KALRN: variants seen among roughly 807,000 people sequenced by gnomAD.
The protein encoded by KALRN is kalirin.
KALRN carries 70 observed loss-of-function variants against 353.7 expected under a neutral mutation model. The observed-to-expected ratio is 0.20, with a 90% CI of 0.16 to 0.24. The LOEUF (loss-of-function observed/expected upper bound fraction) is 0.24, where lower values mean the gene tolerates loss of function less well. KALRN is among the 10% of genes least tolerant of loss of function. The probability of loss-of-function intolerance (pLI) is 1.00; values close to 1 mark genes in which losing one functional copy is unlikely to be tolerated. For synonymous variants in KALRN, 1,391 were observed against 1,434.8 expected, an observed-to-expected ratio of 0.97 and a Z score of 0.69; for missense variants, 2,791 against 3,756.7, an observed-to-expected ratio of 0.74 and a Z score of 6.72.
intron 38 of KALRN, among the ~76,000 whole-genome samples, chr3:124,652,873 A>C (rs1040532530): frequency 6.6e-6 from 1 of 152,148 alleles, no homozygotes; most frequent in Admixed American, 6.5e-5. Context: ...CACCGCACCC[A>C]GCCGCCAGTC....
intron 37 of KALRN, 51 bp downstream of exon 37, chr3:124,637,354 C>A: frequency 7.6e-7 from 1 of 1,312,204 alleles, no homozygotes; most frequent in Non-Finnish European, 1.1e-6. Context: ...CTTCACACTG[C>A]TCCAGGCTTG....
At chr3:124,629,813 T>C (rs1025470596) in intron 34 of KALRN, among the ~76,000 whole-genome samples, 2 of 72,760 alleles carry the variant, frequency 2.7e-5, no homozygotes, top group Non-Finnish European at 5.1e-5. Context: ...TCTCTCTCTC[T>C]GTCTCTCTCT....
intron 5 of KALRN, among the ~76,000 whole-genome samples, chr3:124,288,908 G>A (rs2076183619): frequency 6.6e-6 from 1 of 152,192 alleles, no homozygotes. Flanking sequence ...GATGCTTGTG[G>A]AACATTAAGA....
At chr3:124,672,189 A>G (rs2086554898) in intron 48 of KALRN, among the ~76,000 whole-genome samples, 1 of 152,154 alleles carries the variant, frequency 6.6e-6, no homozygotes, top group South Asian at 2.1e-4. Context: ...CTCAGGCGAT[A>G]TGGCCACTTC....
intron 25 of KALRN, among the ~76,000 whole-genome samples, chr3:124,472,094 A>G (rs374043926): frequency 6.9e-4 from 105 of 152,162 alleles, no homozygotes; most frequent in African/African-American, 2.3e-3. Context: ...GCATCTTCCC[A>G]TAGGTTTTTG....
At chr3:124,613,364 C>T (rs1011297527) in intron 34 of KALRN, among the ~76,000 whole-genome samples, 2 of 152,136 alleles carry the variant, frequency 1.3e-5, no homozygotes, top group Admixed American at 1.3e-4. Flanking sequence ...AATAAGTGCC[C>T]CTTTCTCTAG....
intron 17 of KALRN, among the ~76,000 whole-genome samples, chr3:124,437,562 C>G (rs189602359): frequency 6.6e-6 from 1 of 151,820 alleles, no homozygotes; most frequent in East Asian, 1.9e-4. Flanking sequence ...TGGTGGTGAG[C>G]GACTGTAATC....
rs41264663 is a variant in KALRN, at chr3:124,666,514, A to G, written c.6411A>G (p.Ala2137=). 44,404 of 1,613,954 alleles carry G rather than the reference A, an allele frequency of 0.028. 834 individuals carry two copies. Among genetic ancestry groups the G allele is most frequent in the East Asian group, 0.094 (4,210 of 44,882 alleles). The change falls in exon 46 of 60, where the codon GCA becomes GCG. Residue 2137 remains alanine, a synonymous_variant. Transcript: ENST00000682506. ...QDTFYVIELD[A]GMQSRTKERR... ...CATTCTATGTGATCGAGCTGGATGCAGGCATGCAGTCCCGGACCAAAGAGA... is the reference window on the plus strand; with the variant it reads ...CATTCTATGTGATCGAGCTGGATGCGGGCATGCAGTCCCGGACCAAAGAGA...
At chr3:124,081,192 G>A (rs979794152) in intron 1 of KALRN, among the ~76,000 whole-genome samples, 1 of 152,166 alleles carries the variant, frequency 6.6e-6, no homozygotes, top group Admixed American at 6.5e-5. Flanking sequence ...AAATGAGAAC[G>A]GCACACGTTG....
chr3:124,662,438 T>C (rs2085012715), intron 45 of KALRN, among the ~76,000 whole-genome samples: 1 of 151,946 alleles, frequency 6.6e-6, no homozygotes, highest in Non-Finnish European at 1.5e-5. Flanking sequence ...AGACCCAGAG[T>C]TCTTTATGAG....
chr3:124,302,664 C>T (rs1580715073), intron 6 of KALRN, among the ~76,000 whole-genome samples: 1 of 152,206 alleles, frequency 6.6e-6, no homozygotes, highest in Non-Finnish European at 1.5e-5. Context: ...GCTGCCATAA[C>T]AATGTCATGG....
intron 1 of KALRN, among the ~76,000 whole-genome samples, chr3:124,138,546 GAA>G (rs1367268372): frequency 6.6e-6 from 1 of 152,216 alleles, no homozygotes; most frequent in African/African-American, 2.4e-5. Flanking sequence ...GGTCAAAGAT[GAA>G]AAGAGTGACT....
intron 23 of KALRN, among the ~76,000 whole-genome samples, chr3:124,459,446 A>G (rs1051149266): frequency 6.6e-6 from 1 of 152,354 alleles, no homozygotes; most frequent in Non-Finnish European, 1.5e-5. Flanking sequence ...GAACCAACTT[A>G]TCATTAGATT....
At chr3:124,107,715 A>G (rs537792113) in intron 1 of KALRN, among the ~76,000 whole-genome samples, 46 of 152,296 alleles carry the variant, frequency 3.0e-4, no homozygotes, top group African/African-American at 1.1e-3. Context: ...CAGCACATAC[A>G]TAGCAGGAAG....
intron 1 of KALRN, among the ~76,000 whole-genome samples, chr3:124,103,592 G>A (rs2062042899): frequency 1.3e-5 from 2 of 152,146 alleles, no homozygotes; most frequent in South Asian, 4.2e-4. Context: ...GTAGAGCAGG[G>A]AGTGATTAGG....
intron 1 of KALRN, among the ~76,000 whole-genome samples, chr3:124,120,384 T>A (rs564906747): frequency 6.6e-6 from 1 of 152,158 alleles, no homozygotes; most frequent in African/African-American, 2.4e-5. Context: ...TCCCCACAGA[T>A]GAAATATGAC....
At chr3:124,086,761 A>G (rs997043538) in intron 1 of KALRN, among the ~76,000 whole-genome samples, 2 of 152,164 alleles carry the variant, frequency 1.3e-5, no homozygotes, top group African/African-American at 4.8e-5. Context: ...TATGACCCCT[A>G]TACCTGTCTA....
At chr3:124,090,486 G>A (rs573614585) in intron 1 of KALRN, among the ~76,000 whole-genome samples, 1 of 152,222 alleles carries the variant, frequency 6.6e-6, no homozygotes, top group Non-Finnish European at 1.5e-5. Flanking sequence ...GCTTTCTGGA[G>A]CCTGTGGAGA....
At chr3:124,655,811 G>A in intron 39 of KALRN, 144 bp downstream of exon 39, 1 of 634,464 alleles carries the variant, frequency 1.6e-6, no homozygotes, top group East Asian at 2.6e-5. Flanking sequence ...ATGGTAATAA[G>A]TAGAATATGT....
Sources: gnomAD v4.1 joint callset for allele counts (sites outside exome capture counted in the v4.1 genomes callset) on GRCh38, gnomAD v4.1.1 for gene constraint, MANE v1.5 for transcripts, NCBI Gene and HGNC (gene_info 2026-07-23, HGNC 2026-07-21) for gene names.